Variants in MGST1 observed in about 807,000 individuals in gnomAD.
The protein encoded by MGST1 is glutathione S-transferase 12.
Under a neutral mutation model 8.9 loss-of-function variants are expected in MGST1, and 5 were observed. The ratio of observed to expected loss-of-function variants is 0.56; its 90% CI spans 0.29 to 1.19. The LOEUF is 1.19. Ranked by LOEUF, MGST1 falls within the 50% of genes most tolerant of loss-of-function variation. The pLI, the probability that MGST1 is intolerant of heterozygous loss-of-function variation, is 0.08. For synonymous variants in MGST1, 54 were observed against 67.8 expected (o/e 0.80, Z 1.00); for missense variants, 182 against 187.4 (o/e 0.97, Z 0.17).
At chr12:16,399,383 C>T in intron 1 of MGST1, 3 of 1,520,256 alleles carry the variant, frequency 2.0e-6, no homozygotes, top group Admixed American at 3.3e-5. Flanking sequence ...TCTTCTGGCT[C>T]ATACTTCGAC....
At chr12:16,384,810 T>A (rs1940490559) in intron 1 of MGST1, among the ~76,000 whole-genome samples, 1 of 152,216 alleles carries the variant, frequency 6.6e-6, no homozygotes, top group African/African-American at 2.4e-5. Context: ...CCTAAGTATC[T>A]CTTGACGTAC....
At chr12:16,506,158 G>T (rs1033087426) in intron 4 of MGST1, among the ~76,000 whole-genome samples, 28 of 152,156 alleles carry the variant, frequency 1.8e-4, no homozygotes, top group Admixed American at 1.8e-3. Flanking sequence ...GTTGGCAGAA[G>T]ATATGAAAGA....
rs978185668 is a variant in MGST1 at position 16,392,499 on chromosome 12, G to C, written n.778+8895G>C. ...TGGAAGAATGTTCCCCAGGCTAACT[G>C]GTAGTTCCATACATTTCAGTTTCAT... is the stretch of plus-strand genomic sequence containing the variant. On this transcript the variant is annotated intron_variant and non_coding_transcript_variant, in intron 1 of 1. Coordinates refer to the MGST1 transcript ENST00000359720. Among the ~76,000 whole-genome samples the C allele has an allele frequency of 4.6e-5, 7 of 152,230 alleles. No individual in the cohort carries two copies. In the East Asian group the frequency reaches 1.4e-3, roughly 29 times the overall value.
At chr12:16,477,415 G>A (rs1403850433) in intron 4 of MGST1, among the ~76,000 whole-genome samples, 1 of 152,140 alleles carries the variant, frequency 6.6e-6, no homozygotes, top group African/African-American at 2.4e-5. Context: ...GCATGTGATA[G>A]TTCTTACTCC....
chr12:16,514,139 C>A (rs1941595197), intron 4 of MGST1: 6 of 363,658 alleles, frequency 1.6e-5, no homozygotes, highest in South Asian at 1.5e-4. Flanking sequence ...TTGCCAGTGG[C>A]AATGGTAACA....
intron 4 of MGST1, among the ~76,000 whole-genome samples, chr12:16,463,537 G>A (rs1488497148): frequency 3.3e-5 from 5 of 151,614 alleles, no homozygotes; most frequent in Non-Finnish European, 7.4e-5. Flanking sequence ...CATGGCACAC[G>A]TTCACCTCTG....
intron 4 of MGST1, among the ~76,000 whole-genome samples, chr12:16,567,159 G>A (rs1371958501): frequency 6.6e-6 from 1 of 152,090 alleles, no homozygotes; most frequent in Non-Finnish European, 1.5e-5. Context: ...TCGTGCCATT[G>A]CACTCCAGCC....
At chr12:16,425,619 C>A (rs1269163926) in intron 1 of MGST1, among the ~76,000 whole-genome samples, 2 of 152,018 alleles carry the variant, frequency 1.3e-5, no homozygotes, top group African/African-American at 4.8e-5. Flanking sequence ...TATGGGGCAC[C>A]ACACCAATAA....
rs1346330415 is a variant in MGST1 at position 16,582,343 on chromosome 12, T to G, written n.483-7185T>G. ...AAACATCTTACCTGTTCCTATAGTA[T>G]TATTCATTTTAGACAGTGACAGACT... On this transcript the variant is annotated intron_variant and non_coding_transcript_variant, in intron 4 of 4. Coordinates refer to the MGST1 transcript ENST00000538857. This position sits in a 1 kb window ranked among gnomAD's most constrained non-coding sequence, Gnocchi z 4.1. Among the ~76,000 whole-genome samples the G allele has an allele frequency of 6.6e-6, 1 of 152,234 alleles. No individual in the cohort carries two copies. The highest frequency in any genetic ancestry group is 6.5e-5 in the Admixed American group (1 of 15,286).
At chr12:16,368,807 T>G (rs1335156407), downstream of MGST1, among the ~76,000 whole-genome samples, 1 of 152,092 alleles carries the variant, frequency 6.6e-6, no homozygotes, top group African/African-American at 2.4e-5. Context: ...AATGGAGAGA[T>G]AGGAGCTGTG....
At chr12:16,538,608 C>CTTTTTTTTTTT (rs35801123) in intron 4 of MGST1, among the ~76,000 whole-genome samples, 44 of 128,224 alleles carry the variant, frequency 3.4e-4, no homozygotes, top group African/African-American at 1.4e-3. Flanking sequence ...AAAGGCACTT[C>CTTTTTTTTTTT]TTTTTTTTTT....
At position 16,410,659 on chromosome 12, in the gene MGST1, C is replaced by T. The variant is rs1420365509; in HGVS notation, n.779-26729C>T. ...ATGTAATACATATATTATATATAAA[C>T]ATACATAATCAAATATATAATATAA... On this transcript the variant is annotated intron_variant and non_coding_transcript_variant, in intron 1 of 1. Coordinates refer to the MGST1 transcript ENST00000359720. The surrounding 1 kb of genome is among the most constrained non-coding windows in gnomAD (Gnocchi z 4.4). Among the ~76,000 whole-genome samples the T allele has an allele frequency of 6.8e-6, 1 of 146,988 alleles. No individual in the cohort carries two copies. The highest frequency in any genetic ancestry group is 1.5e-5 in the Non-Finnish European group (1 of 67,044).
At chr12:16,532,512 T>C (rs1159789860) in intron 4 of MGST1, among the ~76,000 whole-genome samples, 1 of 152,188 alleles carries the variant, frequency 6.6e-6, no homozygotes, top group Non-Finnish European at 1.5e-5. Context: ...TTTTCATTTA[T>C]GTTTATTAAT....
At chr12:16,430,108 T>C (rs1940925473) in intron 1 of MGST1, among the ~76,000 whole-genome samples, 3 of 152,196 alleles carry the variant, frequency 2.0e-5, no homozygotes, top group Admixed American at 2.0e-4. Context: ...GAAATCACTT[T>C]CTTTGCTCAT....
At chr12:16,357,881 A>G (rs749571858) in intron 3 of MGST1, among the ~76,000 whole-genome samples, 182 bp downstream of exon 3, 4 of 152,194 alleles carry the variant, frequency 2.6e-5, no homozygotes, top group East Asian at 1.9e-4. Flanking sequence ...TGTGTTGCCA[A>G]TTTGGCAATA....
intron 4 of MGST1, among the ~76,000 whole-genome samples, chr12:16,572,339 C>CTTT (rs59773866): frequency 0.044 from 3,924 of 89,626 alleles, 16 homozygotes; most frequent in Non-Finnish European, 0.058. Context: ...GGTCCAAACT[C>CTTT]TTTTTTTTTT....
rs1940733763 is a variant in MGST1 at position 16,410,575 on chromosome 12, A to T, written n.779-26813A>T. ...ATACACTATTATATGTACGTAATAT[A>T]TATTTTTACACATACATATTAATGT... is the stretch of plus-strand genomic sequence containing the variant. On this transcript the variant is annotated intron_variant and non_coding_transcript_variant, in intron 1 of 1. Transcript: ENST00000359720. The surrounding 1 kb of genome is among the most constrained non-coding windows in gnomAD (Gnocchi z 4.4). Among the ~76,000 whole-genome samples, 1 of 148,808 alleles carries T rather than the reference A, an allele frequency of 6.7e-6. No homozygotes were observed. The highest frequency in any genetic ancestry group is 1.5e-5 in the Non-Finnish European group (1 of 67,398).
intron 1 of MGST1, among the ~76,000 whole-genome samples, chr12:16,386,773 A>T (rs1940507421): frequency 6.6e-6 from 1 of 152,132 alleles, no homozygotes; most frequent in African/African-American, 2.4e-5. Context: ...ATTAAATGGA[A>T]ATTTCCAGAA....
intron 1 of MGST1, among the ~76,000 whole-genome samples, chr12:16,397,140 T>G (rs1357728567): frequency 6.6e-6 from 1 of 152,096 alleles, no homozygotes; most frequent in Non-Finnish European, 1.5e-5. Flanking sequence ...TAAAGCCAAC[T>G]GCTCTTTGAC....
Sources: allele counts gnomAD v4.1 joint callset (sites outside exome capture counted in the v4.1 genomes callset), GRCh38; gene constraint gnomAD v4.1.1; non-coding constraint Gnocchi (gnomAD v3.1); transcripts MANE v1.5; gene names NCBI Gene and HGNC (gene_info 2026-07-23, HGNC 2026-07-21).